Variants in PHKB observed in about 807,000 individuals in gnomAD.
PHKB encodes phosphorylase kinase regulatory subunit beta.
In PHKB, 122 loss-of-function variants were observed where a neutral mutation model predicts 152.1. The observed-to-expected ratio is 0.80, with a 90% CI of 0.69 to 0.93. The LOEUF is 0.93. Ranked by LOEUF, PHKB falls within the 40% of genes least tolerant of loss-of-function variation. The pLI, the probability that PHKB is intolerant of heterozygous loss-of-function variation, is 0.00. For missense variants in PHKB, 1,304 were observed against 1,328.4 expected (o/e 0.98, Z 0.29); for synonymous variants, 436 against 464.9 (o/e 0.94, Z 0.80).
At chr16:47,608,652 C>A (rs570845336) in intron 13 of PHKB, among the ~76,000 whole-genome samples, 23 of 152,254 alleles carry the variant, frequency 1.5e-4, no homozygotes, top group African/African-American at 5.1e-4. Context: ...GTGAAAGTTG[C>A]GATTGTGCCA....
chr16:47,461,700 G>A (rs1250080676), intron 1 of PHKB, among the ~76,000 whole-genome samples: 3 of 152,206 alleles, frequency 2.0e-5, no homozygotes, highest in African/African-American at 7.2e-5. Flanking sequence ...ACTTCCCTTA[G>A]AGTCTTCTAA....
chr16:47,551,413 GTCTTTGT>G (rs1284455642), intron 7 of PHKB, among the ~76,000 whole-genome samples: 1 of 152,120 alleles, frequency 6.6e-6, no homozygotes, highest in Non-Finnish European at 1.5e-5. Context: ...GGTACATTGT[GTCTTTGT>G]TCTCATTGGT....
intron 20 of PHKB, among the ~76,000 whole-genome samples, chr16:47,657,312 A>G (rs1187010823): frequency 1.3e-5 from 2 of 152,188 alleles, no homozygotes; most frequent in Admixed American, 6.5e-5. Flanking sequence ...TGTAGGCACT[A>G]GGGATGTAGT....
intron 6 of PHKB, among the ~76,000 whole-genome samples, chr16:47,527,974 A>C (rs538584065): frequency 5.9e-5 from 9 of 152,270 alleles, no homozygotes; most frequent in Non-Finnish European, 1.0e-4. Flanking sequence ...TGGAAAGAGA[A>C]ATTTCTGTTA....
At chr16:47,553,586 A>G (rs1007224362) in intron 7 of PHKB, among the ~76,000 whole-genome samples, 2 of 152,040 alleles carry the variant, frequency 1.3e-5, no homozygotes, top group Non-Finnish European at 2.9e-5. Context: ...GCTGGCAAGG[A>G]CTTGTGATCC....
At chr16:47,698,209 GT>G (rs2142112493) in intron 29 of PHKB, among the ~76,000 whole-genome samples, 1 of 152,206 alleles carries the variant, frequency 6.6e-6, no homozygotes, top group Admixed American at 6.5e-5. Flanking sequence ...TAAGTTAACG[GT>G]TTTATTTAAC....
intron 22 of PHKB, 143 bp from the exon 23 acceptor site, chr16:47,661,576 T>G (rs1973444789): frequency 1.4e-6 from 1 of 692,146 alleles, no homozygotes; most frequent in Non-Finnish European, 2.7e-6. Context: ...ATGCTTGATA[T>G]TATATCAATG....
chr16:47,583,042 C>T (rs546014149), intron 8 of PHKB, among the ~76,000 whole-genome samples: 3 of 152,278 alleles, frequency 2.0e-5, no homozygotes, highest in East Asian at 3.9e-4. Context: ...GGTGATCCAC[C>T]CGCCTTGGCC....
intron 13 of PHKB, among the ~76,000 whole-genome samples, chr16:47,604,017 CCTGTAACCT>C (rs746853015): frequency 6.6e-6 from 1 of 152,122 alleles, no homozygotes; most frequent in Non-Finnish European, 1.5e-5. Context: ...GCTTGTGTCA[CCTGTAACCT>C]CTGTGGCATT....
chr16:47,650,489 A>G, intron 18 of PHKB, 55 bp from the exon 19 acceptor site: 1 of 1,013,486 alleles, frequency 9.9e-7, no homozygotes, highest in South Asian at 1.3e-5. Context: ...ATGGTTGAGC[A>G]TCCTGTTCAT....
chr16:47,581,530 A>C, intron 8 of PHKB, among the ~76,000 whole-genome samples: 1 of 152,326 alleles, frequency 6.6e-6, no homozygotes, highest in Middle Eastern at 3.4e-3. Context: ...ATGGCTATTT[A>C]ACTAAGCCTC....
chr16:47,484,152 T>G (rs995245854), intron 1 of PHKB, among the ~76,000 whole-genome samples: 1 of 152,182 alleles, frequency 6.6e-6, no homozygotes. Context: ...ACATGAAACA[T>G]CAACCAGGTT....
At chr16:47,508,954 T>C (rs1465724621) in intron 4 of PHKB, among the ~76,000 whole-genome samples, 2 of 152,224 alleles carry the variant, frequency 1.3e-5, no homozygotes, top group Non-Finnish European at 2.9e-5. Context: ...TGAGCAACTT[T>C]AATCATTTAG....
At chr16:47,475,480 CT>C (rs1276563141) in intron 1 of PHKB, among the ~76,000 whole-genome samples, 1 of 152,108 alleles carries the variant, frequency 6.6e-6, no homozygotes. Context: ...GGCTAAATGA[CT>C]CCAAAGTGGG....
intron 26 of PHKB, among the ~76,000 whole-genome samples, chr16:47,673,695 C>G (rs988121042): frequency 2.6e-5 from 4 of 152,056 alleles, no homozygotes; most frequent in Admixed American, 2.6e-4. Context: ...AAAGATCACT[C>G]TAGTAAACCA....
At chr16:47,669,551 T>C (rs1474163272) in intron 26 of PHKB, 134 bp downstream of exon 26, 9 of 772,958 alleles carry the variant, frequency 1.2e-5, no homozygotes, top group Admixed American at 1.9e-5. Context: ...CTCTAAGCCA[T>C]GCAGGCAATA....
rs1973427476 is a variant in PHKB at position 47,660,727 on chromosome 16, A to G, written c.2104A>G (p.Thr702Ala). 1.2e-6 allele frequency: 2 copies of G among 1,614,066 alleles called. No individual in the cohort carries two copies. Among genetic ancestry groups the G allele is most frequent in the East Asian group, 4.5e-5 (2 of 44,874 alleles). ...KHSKVKRQSSTPSAPELGQQP... is the reference protein window; with the variant it reads ...KHSKVKRQSSAPSAPELGQQP... ...TTCAAAAGTCAAACGGCAAAGCAGC[A>G]CCCCTAGTGCTCCTGAACTGGGACA... The change falls in exon 22 of 31, where the codon ACC becomes GCC. Residue 702 changes from threonine to alanine, a missense_variant. Coordinates refer to ENST00000323584, the MANE Select transcript of PHKB (RefSeq NM_000293.3).
chr16:47,641,032 C>T lies in PHKB; in HGVS notation c.1459-3C>T. ...TTTCCCCCTCCCTTATTCTGCATTA[C>T]AGGGCCCACTGGAAAATGACTTGGT... On this transcript the variant is annotated splice_region_variant and splice_polypyrimidine_tract_variant and intron_variant, in intron 14 of 30. Coordinates refer to ENST00000323584, the MANE Select transcript of PHKB (RefSeq NM_000293.3). 3.1e-6 allele frequency: 5 copies of T among 1,613,458 alleles called. No individual in the cohort carries two copies. The highest frequency in any genetic ancestry group is 4.2e-6 in the Non-Finnish European group (5 of 1,179,460).
chr16:47,674,506 G>A (rs144269863), intron 26 of PHKB, among the ~76,000 whole-genome samples: 9 of 152,178 alleles, frequency 5.9e-5, no homozygotes, highest in African/African-American at 2.2e-4. Flanking sequence ...GATACCTCTG[G>A]CAAATACAGA....
Sources: gnomAD v4.1 joint callset for allele counts (sites outside exome capture counted in the v4.1 genomes callset) on GRCh38, gnomAD v4.1.1 for gene constraint, MANE v1.5 for transcripts, NCBI Gene and HGNC (gene_info 2026-07-23, HGNC 2026-07-21) for gene names.